ASIC5: variants seen among roughly 807,000 people sequenced by gnomAD.
ASIC5 encodes acid sensing ion channel subunit family member 5.
Under a neutral mutation model 51.2 loss-of-function variants are expected in ASIC5, and 52 were observed. The ratio of observed to expected loss-of-function variants is 1.02; its 90% CI spans 0.81 to 1.28. The LOEUF (loss-of-function observed/expected upper bound fraction) is 1.28. Ranked by LOEUF, ASIC5 falls within the 50% of genes most tolerant of loss-of-function variation. The probability of loss-of-function intolerance (pLI) is 0.00; values close to 1 mark genes in which losing one functional copy is unlikely to be tolerated. For synonymous variants in ASIC5, 231 were observed against 200.7 expected (o/e 1.15, Z -1.28); for missense variants, 635 against 595.0 (o/e 1.07, Z -0.70).
intron 2 of ASIC5, among the ~76,000 whole-genome samples, chr4:155,861,957 A>C (rs1480227325): frequency 6.6e-6 from 1 of 152,044 alleles, no homozygotes; most frequent in African/African-American, 2.4e-5. Flanking sequence ...GTTCCAGTAG[A>C]CTTGAATTTG....
chr4:155,837,572 C>T (rs77968950), intron 7 of ASIC5, among the ~76,000 whole-genome samples: 2,177 of 152,266 alleles, frequency 0.014, 28 homozygotes, highest in Non-Finnish European at 0.022. Flanking sequence ...GGTTTTGATA[C>T]TGAAACCCTT....
At chr4:155,862,057 G>T (rs1053149297) in intron 2 of ASIC5, among the ~76,000 whole-genome samples, 1 of 151,996 alleles carries the variant, frequency 6.6e-6, no homozygotes, top group Non-Finnish European at 1.5e-5. Context: ...GGTTTTGAAG[G>T]GGATAGAGTT....
intron 2 of ASIC5, among the ~76,000 whole-genome samples, chr4:155,862,532 G>C (rs899111079): frequency 2.0e-5 from 3 of 152,082 alleles, no homozygotes; most frequent in African/African-American, 4.8e-5. Flanking sequence ...GGTATTTCAT[G>C]CTTCACCACA....
intron 6 of ASIC5, 106 bp from the exon 7 acceptor site, chr4:155,838,975 C>A: frequency 1.6e-6 from 1 of 622,218 alleles, no homozygotes; most frequent in African/African-American, 1.9e-5. Context: ...CATTCATCCA[C>A]CCACCCATTC....
At chr4:155,863,787 A>T (rs1401538070) in intron 1 of ASIC5, 33 bp from the exon 2 acceptor site, 5 of 1,545,162 alleles carry the variant, frequency 3.2e-6, no homozygotes, top group Non-Finnish European at 4.4e-6. Context: ...GATTAAACAA[A>T]AAAAAGTAAT....
intron 9 of ASIC5, among the ~76,000 whole-genome samples, chr4:155,831,530 A>G (rs6536100): frequency 0.27 from 41,647 of 152,012 alleles, 8,802 homozygotes; most frequent in African/African-American, 0.59. Flanking sequence ...CCAGCACCTC[A>G]GGAGGCCAAT....
intron 6 of ASIC5, among the ~76,000 whole-genome samples, chr4:155,840,701 G>A (rs1741096163): frequency 6.6e-6 from 1 of 151,948 alleles, no homozygotes; most frequent in Middle Eastern, 3.4e-3. Context: ...CCTGCCTGGG[G>A]ACTAGATTGC....
intron 4 of ASIC5, among the ~76,000 whole-genome samples, chr4:155,850,665 G>A (rs1291477949): frequency 2.0e-5 from 3 of 151,946 alleles, no homozygotes; most frequent in South Asian, 4.1e-4. Flanking sequence ...TCACCTAGTT[G>A]CCTTTTAGTT....
intron 4 of ASIC5, among the ~76,000 whole-genome samples, chr4:155,851,301 C>G (rs747239567): frequency 1.3e-5 from 2 of 151,774 alleles, no homozygotes; most frequent in Admixed American, 1.3e-4. Context: ...TATGTTTGGA[C>G]GTAAAGAAAA....
In ASIC5 at chr4:155,842,201, A is replaced by G; in HGVS notation, c.1009+6T>C. ...TTAAGTAAGGGGGCAGTTAGTCTTT[A>G]TTTACCAGGAAGAAGAAAAGGCACA... is the stretch of plus-strand genomic sequence containing the variant. On this transcript the variant is annotated splice_donor_region_variant and intron_variant, in intron 6 of 9. Coordinates refer to ENST00000537611, the MANE Select transcript of ASIC5 (RefSeq NM_017419.3). The G allele has an allele frequency of 6.2e-7, 1 of 1,612,964 alleles. No individual in the cohort carries two copies. The highest frequency in any genetic ancestry group is 8.5e-7 in the Non-Finnish European group (1 of 1,179,346).
intron 1 of ASIC5, chr4:155,864,584 A>G (rs1741811674): frequency 6.6e-6 from 1 of 152,010 alleles, no homozygotes; most frequent in South Asian, 2.1e-4. Context: ...TTCACAATGG[A>G]AGATCAGGCT....
chr4:155,853,127 T>C (rs1741422669), intron 3 of ASIC5, among the ~76,000 whole-genome samples: 1 of 152,046 alleles, frequency 6.6e-6, no homozygotes, highest in Non-Finnish European at 1.5e-5. Flanking sequence ...TGGGTTTCTG[T>C]AATATGCAAC....
intron 5 of ASIC5, 36 bp downstream of exon 5, chr4:155,843,645 C>A (rs930552570): frequency 2.5e-6 from 4 of 1,609,540 alleles, no homozygotes; most frequent in Non-Finnish European, 3.4e-6. Context: ...GATGCATTCA[C>A]TACCCCACCT....
intron 3 of ASIC5, among the ~76,000 whole-genome samples, chr4:155,853,403 C>A (rs1010817830): frequency 1.3e-5 from 2 of 151,708 alleles, no homozygotes; most frequent in African/African-American, 2.4e-5. Context: ...ACGGGAAATA[C>A]GGCATCAAAT....
At chr4:155,861,162 G>A (rs1741693737) in intron 2 of ASIC5, among the ~76,000 whole-genome samples, 1 of 151,790 alleles carries the variant, frequency 6.6e-6, no homozygotes, top group Non-Finnish European at 1.5e-5. Flanking sequence ...CCTTGTATAT[G>A]GCCTTGTATA....
intron 2 of ASIC5, 114 bp from the exon 3 acceptor site, chr4:155,854,428 T>C (rs1579295338): frequency 2.5e-6 from 2 of 802,046 alleles, no homozygotes; most frequent in East Asian, 5.0e-5. Flanking sequence ...CACTCTCCCT[T>C]ATTTGCAAGA....
At chr4:155,859,597 T>C (rs553285648) in intron 2 of ASIC5, among the ~76,000 whole-genome samples, 12 of 152,092 alleles carry the variant, frequency 7.9e-5, no homozygotes, top group East Asian at 1.9e-4. Flanking sequence ...AGTTTCTAAC[T>C]TGGTAAACTC....
At chr4:155,866,039 C>A in intron 1 of ASIC5, 148 bp downstream of exon 1, 1 of 449,410 alleles carries the variant, frequency 2.2e-6, no homozygotes. Flanking sequence ...TAAAACTATT[C>A]ATTTTTAAAA....
At position 155,838,816 on chromosome 4, in the gene ASIC5, G is replaced by A; in HGVS notation, c.1063C>T (p.Leu355Phe). 1 of 1,576,454 alleles carries A rather than the reference G, an allele frequency of 6.3e-7. No individual in the cohort carries two copies. Among genetic ancestry groups the A allele is most frequent in the Non-Finnish European group, 8.7e-7 (1 of 1,148,342 alleles). ...TAAAAGTAAATTAAGCACTTACCAA[G>A]TACAGGAGAAACACAGCTGAAGTAC... ...QKYFSCVSPV[L>F]DHIEFKDLCT... The change falls in exon 7 of 10, where the codon CTT (leucine) becomes TTT (phenylalanine). Residue 355 changes from leucine to phenylalanine, a missense_variant. Leu to Phe is a conservative substitution (Grantham distance 22, BLOSUM62 0). Coordinates refer to ENST00000537611, the MANE Select transcript of ASIC5 (RefSeq NM_017419.3).
Sources: gnomAD v4.1 joint callset for allele counts (sites outside exome capture counted in the v4.1 genomes callset) on GRCh38, gnomAD v4.1.1 for gene constraint, MANE v1.5 for transcripts, NCBI Gene and HGNC (gene_info 2026-07-23, HGNC 2026-07-21) for gene names.